The following CGNL1 variants were observed in gnomAD, a reference collection of about 807,000 sequenced individuals.
The protein encoded by CGNL1 is cingulin like 1.
Under a neutral mutation model 141.2 loss-of-function variants are expected in CGNL1, and 132 were observed. The observed-to-expected ratio is 0.93, with a 90% CI of 0.81 to 1.08. The LOEUF is 1.08. Ranked by LOEUF, CGNL1 falls within the 50% of genes least tolerant of loss-of-function variation. The pLI, the probability that CGNL1 is intolerant of heterozygous loss-of-function variation, is 0.00. For missense variants in CGNL1, 1,870 were observed against 1,588.6 expected (o/e 1.18, Z -3.01); for synonymous variants, 690 against 622.1 (o/e 1.11, Z -1.63).
intron 1 of CGNL1, 28 bp from the exon 2 acceptor site, chr15:57,437,957 C>T (rs768679656): frequency 6.4e-7 from 1 of 1,560,232 alleles, no homozygotes; most frequent in South Asian, 1.2e-5. Context: ...ACCTAATGTC[C>T]TCTTTTTACC....
chr15:57,473,261 T>C (rs1366555017), intron 8 of CGNL1, among the ~76,000 whole-genome samples: 2 of 152,240 alleles, frequency 1.3e-5, no homozygotes, highest in Non-Finnish European at 2.9e-5. Context: ...TCTGACCCTC[T>C]AAATTCTGCC....
chr15:57,406,463 C>G (rs2062724417), intron 1 of CGNL1, among the ~76,000 whole-genome samples: 1 of 152,100 alleles, frequency 6.6e-6, no homozygotes, highest in African/African-American at 2.4e-5. Flanking sequence ...GAGTTAGAAG[C>G]CAGTTAAGGG....
intron 1 of CGNL1, among the ~76,000 whole-genome samples, chr15:57,381,198 A>G (rs2062420528): frequency 6.6e-6 from 1 of 152,190 alleles, no homozygotes; most frequent in African/African-American, 2.4e-5. Flanking sequence ...CCTGAGAGGC[A>G]GGTGGCAGTG....
chr15:57,468,402 G>A (rs2063538215), intron 8 of CGNL1, among the ~76,000 whole-genome samples: 1 of 151,568 alleles, frequency 6.6e-6, no homozygotes, highest in Non-Finnish European at 1.5e-5. Context: ...CACCACACCT[G>A]GCTAGTTTTT....
intron 8 of CGNL1, among the ~76,000 whole-genome samples, chr15:57,470,256 C>CTTTTTTTTTTTTTTTTTTTTTTTTTTTT (rs60982599): frequency 1.8e-5 from 2 of 113,994 alleles, no homozygotes; most frequent in Non-Finnish European, 1.7e-5. Flanking sequence ...TTTTGTCTCT[C>CTTTTTTTTTTTTTTTTTTTTTTTTTTTT]TTTTTTTTTT....
chr15:57,546,359 G>T, intron 18 of CGNL1, 120 bp downstream of exon 18: 1 of 1,238,814 alleles, frequency 8.1e-7, no homozygotes, highest in South Asian at 1.7e-5. Context: ...TGCTTTTGGG[G>T]TTATCGTATC....
chr15:57,438,132 C>T lies in CGNL1; in HGVS notation c.133C>T (p.Arg45Trp), dbSNP rs1393171522. ...SKAGSYGVSI[R>W]VQGIDGHPYI... is the part of the protein sequence containing the mutation. ...GGCAGGCTCCTACGGTGTCAGTATT[C>T]GGGTCCAGGGAATTGATGGTCACCC... is the stretch of plus-strand genomic sequence containing the variant. The change falls in exon 2 of 19, where the codon CGG (arginine) becomes TGG (tryptophan). Residue 45 changes from arginine to tryptophan, a missense_variant. Coordinates refer to ENST00000281282, the MANE Select transcript of CGNL1 (RefSeq NM_032866.5). 4 of 1,614,010 alleles carry T rather than the reference C, an allele frequency of 2.5e-6. No homozygotes were observed. The highest frequency in any genetic ancestry group is 3.4e-6 in the Non-Finnish European group (4 of 1,180,034).
intron 8 of CGNL1, among the ~76,000 whole-genome samples, chr15:57,466,316 C>T (rs1203499231): frequency 6.6e-6 from 1 of 152,158 alleles, no homozygotes; most frequent in Non-Finnish European, 1.5e-5. Context: ...GAAATGGGCG[C>T]TCAATAGGGA....
intron 14 of CGNL1, among the ~76,000 whole-genome samples, chr15:57,538,791 C>T (rs2032404799): frequency 1.3e-5 from 2 of 152,174 alleles, no homozygotes; most frequent in Admixed American, 1.3e-4. Context: ...ACACGTTCTC[C>T]TTCTGGGCTC....
At chr15:57,461,624 G>A (rs1219899856) in intron 7 of CGNL1, 56 bp from the exon 8 acceptor site, 9 of 1,448,274 alleles carry the variant, frequency 6.2e-6, no homozygotes, top group Non-Finnish European at 8.7e-6. Flanking sequence ...GAGATACAGG[G>A]CCTCTCAACA....
intron 8 of CGNL1, among the ~76,000 whole-genome samples, chr15:57,469,329 G>T (rs2063550774): frequency 6.6e-6 from 1 of 151,454 alleles, no homozygotes; most frequent in African/African-American, 2.4e-5. Context: ...GGAGCCCTCT[G>T]TGTGAACAAT....
intron 4 of CGNL1, among the ~76,000 whole-genome samples, chr15:57,442,765 T>C (rs1211396312): frequency 5.9e-5 from 9 of 152,050 alleles, no homozygotes; most frequent in Non-Finnish European, 1.2e-4. Context: ...ACTACAGGCA[T>C]GTGCCACCAC....
At chr15:57,448,617 C>T (rs527951281) in intron 4 of CGNL1, among the ~76,000 whole-genome samples, 2 of 151,800 alleles carry the variant, frequency 1.3e-5, no homozygotes, top group African/African-American at 4.8e-5. Context: ...CAATGCACTC[C>T]AGCCTGGATG....
chr15:57,420,493 T>G (rs2062901865), intron 1 of CGNL1, among the ~76,000 whole-genome samples: 1 of 152,218 alleles, frequency 6.6e-6, no homozygotes, highest in Non-Finnish European at 1.5e-5. Context: ...ACTCCAGCAG[T>G]AAGCAGACTC....
chr15:57,514,203 G>A (rs1301398598), intron 8 of CGNL1, among the ~76,000 whole-genome samples: 1 of 152,076 alleles, frequency 6.6e-6, no homozygotes, highest in East Asian at 1.9e-4. Context: ...CCAAGTTGGA[G>A]TGCAGTGGTC....
intron 8 of CGNL1, among the ~76,000 whole-genome samples, chr15:57,515,113 C>G (rs2030662793): frequency 6.6e-6 from 1 of 152,178 alleles, no homozygotes; most frequent in South Asian, 2.1e-4. Context: ...CTCAAGTTTT[C>G]AACCACACTT....
chr15:57,425,760 T>G (rs536668368), intron 1 of CGNL1, among the ~76,000 whole-genome samples: 4 of 132,274 alleles, frequency 3.0e-5, no homozygotes, highest in African/African-American at 1.1e-4. Context: ...AAAAAAAAAA[T>G]CCGCATTCAT....
chr15:57,494,551 T>C (rs1180833190), intron 8 of CGNL1, among the ~76,000 whole-genome samples: 2 of 152,236 alleles, frequency 1.3e-5, no homozygotes, highest in East Asian at 3.9e-4. Context: ...AAGTAGAAAA[T>C]GTAAAAGCAG....
chr15:57,399,545 G>GT (rs60341384), intron 1 of CGNL1, among the ~76,000 whole-genome samples: 65,660 of 143,272 alleles, frequency 0.46, 14,879 homozygotes, highest in East Asian at 0.71. Context: ...ATCTATAGTT[G>GT]TTTTTTTTTT....
Sources: gnomAD v4.1 joint callset for allele counts (sites outside exome capture counted in the v4.1 genomes callset) on GRCh38, gnomAD v4.1.1 for gene constraint, MANE v1.5 for transcripts, NCBI Gene and HGNC (gene_info 2026-07-23, HGNC 2026-07-21) for gene names.